DACH1: variants seen among roughly 807,000 people sequenced by gnomAD.
DACH1 encodes dachshund homolog 1.
In DACH1, 12 loss-of-function variants were observed where a neutral mutation model predicts 54.2. The ratio of observed to expected loss-of-function variants is 0.22; its 90% CI spans 0.14 to 0.36. The LOEUF is 0.36. Among genes scored for constraint, DACH1 ranks in the 10% least tolerant of loss-of-function variants. The pLI is 1.00. For synonymous variants in DACH1, 386 were observed against 366.2 expected (o/e 1.05, Z -0.62); for missense variants, 805 against 929.8 (o/e 0.87, Z 1.75).
chr13:71,494,963 T>C (rs907810407), intron 6 of DACH1, among the ~76,000 whole-genome samples: 2 of 152,176 alleles, frequency 1.3e-5, no homozygotes, highest in African/African-American at 4.8e-5. Flanking sequence ...AAAAAAATAA[T>C]GGGCCTCTAC....
chr13:71,754,354 T>A (rs1185360454), intron 1 of DACH1, among the ~76,000 whole-genome samples: 1 of 152,186 alleles, frequency 6.6e-6, no homozygotes, highest in Admixed American at 6.5e-5. Context: ...ATAATTTACC[T>A]TTCCTTGCCC....
intron 3 of DACH1, among the ~76,000 whole-genome samples, chr13:71,612,077 C>T (rs1165971515): frequency 1.3e-5 from 2 of 151,908 alleles, no homozygotes; most frequent in Non-Finnish European, 1.5e-5. Flanking sequence ...ATTTGTTGGG[C>T]AAGGGTAAGA....
intron 1 of DACH1, among the ~76,000 whole-genome samples, chr13:71,837,408 G>T (rs1387201951): frequency 6.6e-6 from 1 of 151,514 alleles, no homozygotes; most frequent in Non-Finnish European, 1.5e-5. Flanking sequence ...TAAAATATGG[G>T]TTTTTTTTAA....
intron 6 of DACH1, among the ~76,000 whole-genome samples, chr13:71,501,221 C>G (rs1302236061): frequency 6.6e-6 from 1 of 152,154 alleles, no homozygotes; most frequent in Admixed American, 6.5e-5. Flanking sequence ...CCTCCTGAGA[C>G]TGTGTAACAC....
intron 1 of DACH1, among the ~76,000 whole-genome samples, chr13:71,773,879 C>G (rs188612067): frequency 6.6e-6 from 1 of 151,562 alleles, no homozygotes; most frequent in East Asian, 1.9e-4. Flanking sequence ...TGTTGTTTTG[C>G]ATTTGTTCAC....
intron 6 of DACH1, among the ~76,000 whole-genome samples, chr13:71,555,208 G>C (rs1324650978): frequency 6.6e-6 from 1 of 152,014 alleles, no homozygotes; most frequent in Non-Finnish European, 1.5e-5. Context: ...TTTCTGTAGG[G>C]CTTTACCCTT....
chr13:71,797,794 G>A (rs552424813), intron 1 of DACH1, among the ~76,000 whole-genome samples: 3 of 152,172 alleles, frequency 2.0e-5, no homozygotes, highest in East Asian at 1.9e-4. Context: ...TCATTTTACC[G>A]AGTCATGAAA....
intron 6 of DACH1, among the ~76,000 whole-genome samples, chr13:71,528,425 C>CTTTTTTTTTTTTTTTTTTTTTT (rs71198120): frequency 9.0e-6 from 1 of 111,126 alleles, no homozygotes; most frequent in Non-Finnish European, 1.7e-5. Flanking sequence ...AACAGATTTT[C>CTTTTTTTTTTTTTTTTTTTTTT]TTTTTTTTTT....
At chr13:71,695,034 A>AC (rs1881749474) in intron 1 of DACH1, among the ~76,000 whole-genome samples, 1 of 152,256 alleles carries the variant, frequency 6.6e-6, no homozygotes, top group Non-Finnish European at 1.5e-5. Context: ...ATTGAAAAAA[A>AC]ATAGTTTCTT....
rs148132968 is a variant in DACH1, at chr13:71,572,885, T to G, written c.1254A>C (p.Ala418=). The stretch of plus-strand genomic sequence containing the variant: ...CTCTGGATGGGGGACTCTGAACTTG[T>G]GCTGCTGCTGCCATATTTGCAATGG... ...LSTIANMAAA[A]QVQSPPSRVE... Residue 418 remains alanine (A), a synonymous_variant, in exon 4 of 11, where the codon GCA becomes GCC. Transcript: ENST00000613252. 168 of 1,613,986 alleles carry G rather than the reference T, an allele frequency of 1.0e-4. No homozygotes were observed. In the African/African-American group the frequency reaches 2.0e-3, roughly 19 times the overall value.
chr13:71,513,061 A>G (rs1361587096), intron 6 of DACH1, among the ~76,000 whole-genome samples: 1 of 151,946 alleles, frequency 6.6e-6, no homozygotes, highest in Non-Finnish European at 1.5e-5. Flanking sequence ...AAATATATAC[A>G]GTAATTGGAA....
At chr13:71,727,453 C>A (rs2137901324) in intron 1 of DACH1, among the ~76,000 whole-genome samples, 1 of 152,186 alleles carries the variant, frequency 6.6e-6, no homozygotes. Flanking sequence ...TCTTCATCAC[C>A]AAAATCTTCC....
At chr13:71,624,976 G>T (rs1350516068) in intron 3 of DACH1, among the ~76,000 whole-genome samples, 1 of 151,720 alleles carries the variant, frequency 6.6e-6, no homozygotes, top group Non-Finnish European at 1.5e-5. Context: ...CCCCCTCCCT[G>T]AAAAAATTGC....
chr13:71,820,104 C>T (rs1484645481), intron 1 of DACH1, among the ~76,000 whole-genome samples: 2 of 14,510 alleles, frequency 1.4e-4, no homozygotes, highest in Non-Finnish European at 3.2e-4. Flanking sequence ...CTGCCTCTAC[C>T]GAAAAAAAAA....
At chr13:71,820,740 C>A (rs892042656) in intron 1 of DACH1, among the ~76,000 whole-genome samples, 1 of 152,118 alleles carries the variant, frequency 6.6e-6, no homozygotes, top group Non-Finnish European at 1.5e-5. Context: ...TTGTAATAAA[C>A]CACTTTCTTA....
intron 1 of DACH1, among the ~76,000 whole-genome samples, chr13:71,780,234 T>A (rs1486006008): frequency 6.6e-6 from 1 of 152,074 alleles, no homozygotes; most frequent in Non-Finnish European, 1.5e-5. Context: ...TAGAAAGAGC[T>A]TGGCAAGTTG....
intron 6 of DACH1, among the ~76,000 whole-genome samples, chr13:71,529,183 GTTTTT>G (rs10707603): frequency 3.7e-5 from 3 of 80,980 alleles, no homozygotes; most frequent in African/African-American, 1.3e-4. Context: ...TGTGATTTGG[GTTTTT>G]TTTTTTTTTT....
chr13:71,461,256 T>C (rs767548649), intron 10 of DACH1, among the ~76,000 whole-genome samples: 1 of 152,068 alleles, frequency 6.6e-6, no homozygotes, highest in African/African-American at 2.4e-5. Flanking sequence ...AAAGAAGATG[T>C]AGGAAGATGG....
chr13:71,786,600 G>C (rs1014025732), intron 1 of DACH1, among the ~76,000 whole-genome samples: 1 of 152,060 alleles, frequency 6.6e-6, no homozygotes, highest in Non-Finnish European at 1.5e-5. Context: ...ATTAACTCCA[G>C]AAATAGCCCT....
Sources: gnomAD v4.1 joint callset for allele counts (sites outside exome capture counted in the v4.1 genomes callset) on GRCh38, gnomAD v4.1.1 for gene constraint, MANE v1.5 for transcripts, NCBI Gene and HGNC (gene_info 2026-07-23, HGNC 2026-07-21) for gene names.